The following KALRN variants were observed in gnomAD, a reference collection of about 807,000 sequenced individuals.
The protein encoded by KALRN is kalirin.
In KALRN, 70 loss-of-function variants were observed where a neutral mutation model predicts 353.7. The ratio of observed to expected loss-of-function variants is 0.20; its 90% CI spans 0.16 to 0.24. KALRN has a LOEUF of 0.24. KALRN is among the 10% of genes least tolerant of loss of function. The pLI is 1.00. For synonymous variants in KALRN, 1,391 were observed against 1,434.8 expected, an observed-to-expected ratio of 0.97 and a Z score of 0.69; for missense variants, 2,791 against 3,756.7, an observed-to-expected ratio of 0.74 and a Z score of 6.72.
chr3:124,497,037 A>T (rs2063935016), intron 33 of KALRN, among the ~76,000 whole-genome samples: 2 of 152,318 alleles, frequency 1.3e-5, no homozygotes, highest in Non-Finnish European at 1.5e-5. Context: ...AAGCCTGGCC[A>T]CTTGCTTTCT....
At chr3:124,055,277 C>T (rs2041424604) in intron 1 of KALRN, among the ~76,000 whole-genome samples, 1 of 152,112 alleles carries the variant, frequency 6.6e-6, no homozygotes, top group African/African-American at 2.4e-5. Flanking sequence ...GTTTTTGAGC[C>T]AGGGCAACTG....
intron 10 of KALRN, among the ~76,000 whole-genome samples, chr3:124,376,343 G>T (rs1186021651): frequency 6.6e-6 from 1 of 152,164 alleles, no homozygotes; most frequent in Non-Finnish European, 1.5e-5. Flanking sequence ...GAACTTACTT[G>T]TTCCCTTATT....
intron 34 of KALRN, among the ~76,000 whole-genome samples, chr3:124,600,414 C>G (rs2149445239): frequency 2.0e-5 from 3 of 152,322 alleles, no homozygotes; most frequent in Middle Eastern, 3.4e-3. Flanking sequence ...TTGCCTGGCT[C>G]ACATCTTTAT....
chr3:124,666,368 T>C, intron 45 of KALRN, 81 bp from the exon 46 acceptor site: 1 of 1,302,830 alleles, frequency 7.7e-7, no homozygotes, highest in Non-Finnish European at 1.1e-6. Flanking sequence ...TATCCCCAGA[T>C]GGGGAGGTTC....
At chr3:124,488,122 C>T in intron 28 of KALRN, 82 bp from the exon 29 acceptor site, 1 of 800,310 alleles carries the variant, frequency 1.2e-6, no homozygotes. Flanking sequence ...CGAAGCTGGT[C>T]TATAATTTCC....
chr3:124,426,018 A>C (rs1253308522), intron 15 of KALRN, among the ~76,000 whole-genome samples: 6 of 152,236 alleles, frequency 3.9e-5, no homozygotes, highest in Non-Finnish European at 1.5e-5. Flanking sequence ...GACTGTACAA[A>C]ATTGCTCAAA....
intron 1 of KALRN, among the ~76,000 whole-genome samples, chr3:124,179,498 T>C (rs990164248): frequency 1.3e-5 from 2 of 152,250 alleles, no homozygotes; most frequent in African/African-American, 4.8e-5. Flanking sequence ...GTTTTACAGT[T>C]AACTTTTTAA....
intron 19 of KALRN, among the ~76,000 whole-genome samples, chr3:124,442,944 T>C (rs908936671): frequency 3.3e-5 from 5 of 152,000 alleles, no homozygotes; most frequent in Non-Finnish European, 4.4e-5. Flanking sequence ...GTTTGCACCA[T>C]TGTACTCCAG....
At chr3:124,457,634 G>T (rs568735305) in intron 23 of KALRN, among the ~76,000 whole-genome samples, 2 of 151,938 alleles carry the variant, frequency 1.3e-5, no homozygotes, top group South Asian at 4.2e-4. Context: ...TCTTTCTATC[G>T]CTTCTTTCAG....
chr3:124,699,754 C>T (rs1441815541), intron 55 of KALRN, 115 bp from the exon 56 acceptor site: 1 of 992,370 alleles, frequency 1.0e-6, no homozygotes, highest in Non-Finnish European at 1.5e-6. Flanking sequence ...ACACGGTAAC[C>T]ACAAGCATCC....
At chr3:124,431,054 A>C (rs2093251866) in intron 16 of KALRN, among the ~76,000 whole-genome samples, 3 of 152,266 alleles carry the variant, frequency 2.0e-5, no homozygotes, top group Non-Finnish European at 4.4e-5. Context: ...CCACTGGTAC[A>C]TTGGTTTTTT....
intron 33 of KALRN, among the ~76,000 whole-genome samples, chr3:124,527,283 T>G (rs1012265880): frequency 2.0e-5 from 3 of 151,924 alleles, no homozygotes; most frequent in African/African-American, 7.3e-5. Flanking sequence ...TACAGAAGAT[T>G]TTATAAATCT....
chr3:124,556,874 T>C (rs1358200807), intron 33 of KALRN, among the ~76,000 whole-genome samples: 1 of 152,208 alleles, frequency 6.6e-6, no homozygotes, highest in Non-Finnish European at 1.5e-5. Context: ...TTCCTATGAA[T>C]AGGGTTGCTA....
chr3:124,365,840 C>T (rs1223034265), intron 10 of KALRN, among the ~76,000 whole-genome samples: 2 of 152,212 alleles, frequency 1.3e-5, no homozygotes, highest in East Asian at 3.9e-4. Context: ...ATAGGGAAGG[C>T]TTTCAACCAA....
intron 6 of KALRN, among the ~76,000 whole-genome samples, chr3:124,300,134 A>G (rs980812478): frequency 5.9e-5 from 9 of 152,210 alleles, no homozygotes; most frequent in Non-Finnish European, 4.4e-5. Flanking sequence ...TATGCTATGC[A>G]CTAGAGTTAA....
At chr3:124,639,563 T>C (rs1278165074) in intron 37 of KALRN, among the ~76,000 whole-genome samples, 3 of 152,224 alleles carry the variant, frequency 2.0e-5, no homozygotes, top group Admixed American at 1.3e-4. Context: ...TTTGCACTGC[T>C]GACAGTCTCC....
chr3:124,249,390 C>T (rs2070798363), intron 3 of KALRN, among the ~76,000 whole-genome samples: 1 of 152,088 alleles, frequency 6.6e-6, no homozygotes, highest in Non-Finnish European at 1.5e-5. Flanking sequence ...AAAAATCTGA[C>T]CTGGATTGTA....
At chr3:124,191,988 G>A (rs1383312254) in intron 1 of KALRN, among the ~76,000 whole-genome samples, 1 of 152,254 alleles carries the variant, frequency 6.6e-6, no homozygotes, top group Non-Finnish European at 1.5e-5. Context: ...ATCTCCAGGT[G>A]AAGGGCCTGG....
intron 6 of KALRN, among the ~76,000 whole-genome samples, chr3:124,320,812 T>C (rs80297315): frequency 0.014 from 2,059 of 152,314 alleles, 33 homozygotes; most frequent in African/African-American, 0.042. Flanking sequence ...AATTCTGGGC[T>C]CCAGACCTTT....
Sources: gnomAD v4.1 joint callset for allele counts (sites outside exome capture counted in the v4.1 genomes callset) on GRCh38, gnomAD v4.1.1 for gene constraint, MANE v1.5 for transcripts, NCBI Gene and HGNC (gene_info 2026-07-23, HGNC 2026-07-21) for gene names.